The following SSPN variants were observed in gnomAD, a reference collection of about 807,000 sequenced individuals.
The protein encoded by SSPN is K-ras oncogene-associated protein.
A neutral mutation model predicts 19.1 loss-of-function variants in SSPN; 15 were observed. The ratio of observed to expected loss-of-function variants is 0.78; its 90% CI spans 0.52 to 1.21. The LOEUF (loss-of-function observed/expected upper bound fraction) is 1.21. Ranked by LOEUF, SSPN falls within the 50% of genes most tolerant of loss-of-function variation. The pLI, the probability that SSPN is intolerant of heterozygous loss-of-function variation, is 0.00. For missense variants in SSPN, 291 were observed against 314.0 expected (o/e 0.93, Z 0.55); for synonymous variants, 147 against 140.3 (o/e 1.05, Z -0.34).
intron 1 of SSPN, chr12:26,124,236 G>T: frequency 1.7e-6 from 2 of 1,159,622 alleles, no homozygotes; most frequent in Non-Finnish European, 1.3e-6. Context: ...TTCACTTATT[G>T]GATATTACCC....
chr12:26,213,106 A>T (rs1243793210), intron 1 of SSPN, among the ~76,000 whole-genome samples: 3 of 148,480 alleles, frequency 2.0e-5, no homozygotes, highest in Non-Finnish European at 4.4e-5. Context: ...TATGGCCAGA[A>T]AAATAGTTTT....
intron 1 of SSPN, among the ~76,000 whole-genome samples, chr12:26,151,600 A>G (rs900101808): frequency 1.3e-5 from 2 of 152,162 alleles, no homozygotes; most frequent in African/African-American, 4.8e-5. Context: ...TCAGTGAACA[A>G]ACAGACAAAG....
At chr12:26,139,322 G>T (rs1304875218) in intron 1 of SSPN, among the ~76,000 whole-genome samples, 1 of 152,096 alleles carries the variant, frequency 6.6e-6, no homozygotes, top group Non-Finnish European at 1.5e-5. Flanking sequence ...AATGATTAAG[G>T]TGAAAGTCAT....
intron 1 of SSPN, chr12:26,122,759 G>C (rs1470203501): frequency 6.3e-7 from 1 of 1,595,288 alleles, no homozygotes; most frequent in South Asian, 1.1e-5. Flanking sequence ...TGCCTTTCTC[G>C]CGGTCCGGCC....
chr12:26,190,557 G>T (rs1944781067), upstream of SSPN, among the ~76,000 whole-genome samples: 1 of 152,138 alleles, frequency 6.6e-6, no homozygotes, highest in Admixed American at 6.6e-5. Context: ...TTGACCCACA[G>T]AAACCATGAA....
intron 1 of SSPN, among the ~76,000 whole-genome samples, chr12:26,199,838 A>G (rs746585487): frequency 6.6e-6 from 1 of 152,218 alleles, no homozygotes; most frequent in Non-Finnish European, 1.5e-5. Context: ...TAATGAATCA[A>G]CTACCTGGAG....
At chr12:26,129,007 C>CTGAAAGGATTA (rs577271697) in intron 1 of SSPN, among the ~76,000 whole-genome samples, 175 of 152,250 alleles carry the variant, frequency 1.1e-3, no homozygotes, top group African/African-American at 4.0e-3. Context: ...CAGAACTTGC[C>CTGAAAGGATTA]TGAAAGGATT....
intron 1 of SSPN, among the ~76,000 whole-genome samples, chr12:26,142,476 G>T (rs977234991): frequency 2.0e-5 from 3 of 152,116 alleles, no homozygotes; most frequent in Non-Finnish European, 4.4e-5. Flanking sequence ...GACACTCAGG[G>T]TTTGGTTTGG....
chr12:26,195,641 G>GCTCCCCCCCCC lies in SSPN; in HGVS notation c.-31_-30insTCCCCCCCCCC. 1.8e-6 allele frequency: 2 copies of GCTCCCCCCCCC among 1,105,392 alleles called. No homozygotes were observed. Among genetic ancestry groups the GCTCCCCCCCCC allele is most frequent in the South Asian group, 3.7e-5 (1 of 27,366 alleles). The allele number at this position is 1,105,392 out of a possible 1,614,324, so 68.5% of individuals were successfully genotyped here. A position where few individuals can be genotyped will look rare whatever the true frequency, so the allele number is the denominator to read the frequency against. On this transcript the variant is annotated 5_prime_UTR_variant, in exon 1 of 3. Coordinates refer to ENST00000242729, the MANE Select transcript of SSPN (RefSeq NM_005086.5). ...CTCCAGGGCCCAGGGCGCCGCACAC[G>GCTCCCCCCCCC]CACCCACCCACCCACCCAGCCTCGC...
chr12:26,192,029 G>A (rs1944792322), upstream of SSPN, among the ~76,000 whole-genome samples: 1 of 152,124 alleles, frequency 6.6e-6, no homozygotes, highest in South Asian at 2.1e-4. Flanking sequence ...GGTTTCCTAA[G>A]ACATTTTGTT....
chr12:26,196,004 G>A (rs1944826142), intron 1 of SSPN, 53 bp downstream of exon 1: 1 of 1,376,176 alleles, frequency 7.3e-7, no homozygotes. Context: ...GGAATGCGAA[G>A]TCGCATGGTC....
intron 1 of SSPN, among the ~76,000 whole-genome samples, chr12:26,206,748 C>T (rs1306356277): frequency 2.6e-5 from 4 of 152,150 alleles, no homozygotes; most frequent in African/African-American, 7.2e-5. Context: ...CAATTCTGCC[C>T]CTCCTGTTGA....
chr12:26,175,169 G>A (rs577624453), intron 1 of SSPN, among the ~76,000 whole-genome samples: 39 of 152,292 alleles, frequency 2.6e-4, no homozygotes, highest in Non-Finnish European at 4.9e-4. Context: ...TACTAGCAGC[G>A]TGTGACAACT....
chr12:26,227,819 G>C (rs932113925), intron 2 of SSPN, among the ~76,000 whole-genome samples: 2 of 152,104 alleles, frequency 1.3e-5, no homozygotes, highest in African/African-American at 4.8e-5. Context: ...ATTTGCCCAG[G>C]GACCATGGCT....
At chr12:26,214,916 G>A (rs192428989) in intron 1 of SSPN, 1 of 152,132 alleles carries the variant, frequency 6.6e-6, no homozygotes, top group African/African-American at 2.4e-5. Context: ...ATTGGGGGAA[G>A]CTGATTCAAT....
chr12:26,128,866 A>G (rs1352229491), intron 1 of SSPN, among the ~76,000 whole-genome samples: 24 of 152,092 alleles, frequency 1.6e-4, no homozygotes, highest in Admixed American at 1.6e-3. Context: ...CTATAGAGAC[A>G]CTAATGAAAG....
intron 1 of SSPN, among the ~76,000 whole-genome samples, chr12:26,168,879 A>G (rs1164546684): frequency 1.3e-5 from 2 of 152,226 alleles, no homozygotes; most frequent in Non-Finnish European, 2.9e-5. Context: ...GGTACCTACC[A>G]TGTTTGTAGC....
intron 1 of SSPN, among the ~76,000 whole-genome samples, chr12:26,198,065 G>A (rs976659767): frequency 1.3e-5 from 2 of 150,926 alleles, no homozygotes; most frequent in African/African-American, 4.8e-5. Context: ...TTTCAGGGAA[G>A]GGAAAAGATA....
At chr12:26,210,220 C>T (rs1278456091) in intron 1 of SSPN, among the ~76,000 whole-genome samples, 1 of 151,950 alleles carries the variant, frequency 6.6e-6, no homozygotes, top group Non-Finnish European at 1.5e-5. Context: ...GATTATTTTG[C>T]ACTAAATCCC....
Sources: allele counts gnomAD v4.1 joint callset (sites outside exome capture counted in the v4.1 genomes callset), GRCh38; gene constraint gnomAD v4.1.1; transcripts MANE v1.5; gene names NCBI Gene and HGNC (gene_info 2026-07-23, HGNC 2026-07-21).